TASP1: variants seen among roughly 807,000 people sequenced by gnomAD.
TASP1 encodes taspase 1.
In TASP1, 16 loss-of-function variants were observed where a neutral mutation model predicts 56.6. The observed-to-expected ratio is 0.28, with a 90% CI of 0.19 to 0.43. The LOEUF (loss-of-function observed/expected upper bound fraction) is 0.43, where lower values mean the gene tolerates loss of function less well. Ranked by LOEUF, TASP1 falls within the 20% of genes least tolerant of loss-of-function variation. The pLI is 1.00. For missense variants in TASP1, 393 were observed against 511.6 expected (o/e 0.77, Z 2.24); for synonymous variants, 179 against 184.2 (o/e 0.97, Z 0.23).
At chr20:13,588,194 T>C (rs367676754) in intron 4 of TASP1, among the ~76,000 whole-genome samples, 3 of 147,886 alleles carry the variant, frequency 2.0e-5, no homozygotes, top group Non-Finnish European at 4.5e-5. Context: ...TATTCACCAA[T>C]ATACTGTACA....
At chr20:13,445,828 T>C (rs2043390523) in intron 11 of TASP1, among the ~76,000 whole-genome samples, 1 of 152,084 alleles carries the variant, frequency 6.6e-6, no homozygotes, top group South Asian at 2.1e-4. Flanking sequence ...AAACTGTCCT[T>C]TGTGGGAGCA....
chr20:13,606,635 G>T lies in TASP1; in HGVS notation c.282+16811C>A, dbSNP rs113844373. ...ATCCTGACTAACACGGTGAAACCCC[G>T]TATCTACTAAAAATACAAAAAATTA... On this transcript the variant is annotated intron_variant, in intron 4 of 13. Coordinates refer to ENST00000337743, the MANE Select transcript of TASP1 (RefSeq NM_017714.3). 7.1e-3 allele frequency among the ~76,000 whole-genome samples: 1,077 copies of T among 151,956 alleles called. 11 individuals carry two copies. The highest frequency in any genetic ancestry group is 0.025 in the African/African-American group (1,016 of 41,452).
the TASP1 span, among the ~76,000 whole-genome samples, chr20:13,290,789 G>A: frequency 1.3e-5 from 2 of 152,194 alleles, no homozygotes; most frequent in African/African-American, 4.8e-5. Flanking sequence ...GTATTATTTT[G>A]TTTAATGTTC....
chr20:13,433,279 C>A (rs2042876150), intron 12 of TASP1, among the ~76,000 whole-genome samples: 1 of 152,094 alleles, frequency 6.6e-6, no homozygotes, highest in African/African-American at 2.4e-5. Context: ...TTTCCAGCTT[C>A]ATCCATGTCC....
chr20:13,461,653 CAAGT>C (rs1286721321), intron 11 of TASP1, among the ~76,000 whole-genome samples: 2 of 152,138 alleles, frequency 1.3e-5, no homozygotes, highest in East Asian at 3.9e-4. Context: ...TGTATGTAAA[CAAGT>C]GAGTGTAGCT....
chr20:13,517,821 TA>T (rs2044596265), intron 10 of TASP1, among the ~76,000 whole-genome samples: 1 of 152,142 alleles, frequency 6.6e-6, no homozygotes, highest in African/African-American at 2.4e-5. Flanking sequence ...AGCAATATAT[TA>T]AAAGTTAATC....
At chr20:13,637,825 C>A (rs1568681917) in intron 1 of TASP1, among the ~76,000 whole-genome samples, 1 of 152,038 alleles carries the variant, frequency 6.6e-6, no homozygotes, top group Non-Finnish European at 1.5e-5. Context: ...GTGATGGGTG[C>A]ACAACTTTGC....
the TASP1 span, among the ~76,000 whole-genome samples, chr20:13,235,591 A>G: frequency 6.6e-4 from 101 of 152,306 alleles, 1 homozygote; most frequent in African/African-American, 2.3e-3. Flanking sequence ...AGCTGGAGAA[A>G]GCTCTCACAT....
intron 6 of TASP1, 56 bp from the exon 7 acceptor site, chr20:13,569,642 C>G: frequency 7.0e-7 from 1 of 1,420,208 alleles, no homozygotes; most frequent in Admixed American, 1.7e-5. Context: ...CCTACATATT[C>G]AATAAATATA....
chr20:13,342,548 A>G, the TASP1 span, among the ~76,000 whole-genome samples: 1 of 152,172 alleles, frequency 6.6e-6, no homozygotes, highest in Non-Finnish European at 1.5e-5. Flanking sequence ...CCAAAGTTGC[A>G]CAAGGCACAG....
At chr20:13,118,344 C>T in the TASP1 span, among the ~76,000 whole-genome samples, 1 of 147,748 alleles carries the variant, frequency 6.8e-6, no homozygotes, top group African/African-American at 2.5e-5. Flanking sequence ...TGCCATTCTC[C>T]AATATCTTAT....
At chr20:13,204,304 T>G in the TASP1 span, among the ~76,000 whole-genome samples, 1 of 152,152 alleles carries the variant, frequency 6.6e-6, no homozygotes, top group Non-Finnish European at 1.5e-5. Context: ...TCTGAGCCAC[T>G]TTTATTCAAT....
intron 11 of TASP1, among the ~76,000 whole-genome samples, chr20:13,446,959 T>C (rs2043434991): frequency 6.6e-6 from 1 of 152,162 alleles, no homozygotes; most frequent in Non-Finnish European, 1.5e-5. Context: ...TTGTTACCAA[T>C]TTTGGTTTTT....
chr20:13,232,119 G>A, the TASP1 span, among the ~76,000 whole-genome samples: 1 of 152,170 alleles, frequency 6.6e-6, no homozygotes, highest in Non-Finnish European at 1.5e-5. Flanking sequence ...AGTGAGGACA[G>A]GAGGAGAAGA....
chr20:13,311,221 G>GATAT, the TASP1 span, among the ~76,000 whole-genome samples: 4 of 107,466 alleles, frequency 3.7e-5, no homozygotes, highest in South Asian at 1.2e-3. Context: ...ATAGATGATA[G>GATAT]ATAGATAGAT....
At chr20:13,268,698 G>A in the TASP1 span, among the ~76,000 whole-genome samples, 6 of 152,034 alleles carry the variant, frequency 3.9e-5, no homozygotes, top group Admixed American at 6.6e-5. Context: ...ATTCAGAGGC[G>A]GTCTCTGAAC....
chr20:13,372,640 T>C, the TASP1 span, among the ~76,000 whole-genome samples: 1 of 152,134 alleles, frequency 6.6e-6, no homozygotes, highest in Non-Finnish European at 1.5e-5. Flanking sequence ...TTATTATTGA[T>C]ATAGTTAGAT....
chr20:13,600,202 G>A (rs1348113983), intron 4 of TASP1, among the ~76,000 whole-genome samples: 2 of 152,068 alleles, frequency 1.3e-5, no homozygotes. Flanking sequence ...TGATCAACAG[G>A]TTCAACACAA....
At chr20:13,553,618 G>A (rs546083887) in intron 8 of TASP1, among the ~76,000 whole-genome samples, 2 of 152,186 alleles carry the variant, frequency 1.3e-5, no homozygotes, top group African/African-American at 4.8e-5. Context: ...AAGAATTTAT[G>A]TTCCTCATTT....
Sources: allele counts gnomAD v4.1 joint callset (sites outside exome capture counted in the v4.1 genomes callset), GRCh38; gene constraint gnomAD v4.1.1; transcripts MANE v1.5; gene names NCBI Gene and HGNC (gene_info 2026-07-23, HGNC 2026-07-21).